TMEM217B: variants seen among roughly 807,000 people sequenced by gnomAD.
The protein encoded by TMEM217B is putative transmembrane protein 217B.
At chr6:37,226,737 T>A in the TMEM217B span, among the ~76,000 whole-genome samples, 1 of 152,150 alleles carries the variant, frequency 6.6e-6, no homozygotes, top group Non-Finnish European at 1.5e-5. Flanking sequence ...AATTTTTTTG[T>A]ATTTTTAGTA....
the TMEM217B span, among the ~76,000 whole-genome samples, chr6:37,242,120 A>C: frequency 6.6e-6 from 1 of 151,866 alleles, no homozygotes; most frequent in East Asian, 1.9e-4. Context: ...AGACTTCAAG[A>C]CAGTGTGGTC....
the TMEM217B span, among the ~76,000 whole-genome samples, chr6:37,252,395 C>G: frequency 6.6e-6 from 1 of 151,748 alleles, no homozygotes; most frequent in Non-Finnish European, 1.5e-5. Context: ...GCTGGCAAAG[C>G]CTAAAAATAT....
the TMEM217B span, among the ~76,000 whole-genome samples, chr6:37,213,485 C>G: frequency 6.6e-6 from 1 of 152,252 alleles, no homozygotes; most frequent in Non-Finnish European, 1.5e-5. Context: ...CTGATTTGCT[C>G]CCTGGGCATG....
At chr6:37,236,113 CT>C in the TMEM217B span, among the ~76,000 whole-genome samples, 1 of 152,040 alleles carries the variant, frequency 6.6e-6, no homozygotes, top group African/African-American at 2.4e-5. Context: ...CGTGTTTGAA[CT>C]GAAAAAAGTG....
the TMEM217B span, among the ~76,000 whole-genome samples, chr6:37,215,446 G>A: frequency 4.0e-5 from 6 of 151,700 alleles, no homozygotes; most frequent in East Asian, 1.9e-4. Context: ...ATGGTGGCAC[G>A]CGCCAACTAC....
the TMEM217B span, among the ~76,000 whole-genome samples, chr6:37,230,923 A>G: frequency 5.0e-3 from 754 of 152,274 alleles, 8 homozygotes; most frequent in African/African-American, 0.017. Flanking sequence ...AAACTAAATA[A>G]CAACACAAAG....
the TMEM217B span, among the ~76,000 whole-genome samples, chr6:37,236,467 A>C: frequency 6.6e-6 from 1 of 152,068 alleles, no homozygotes; most frequent in Non-Finnish European, 1.5e-5. Context: ...TAAGCTAATT[A>C]GTTGTGTTCT....
At chr6:37,237,970 C>T in the TMEM217B span, among the ~76,000 whole-genome samples, 1 of 152,142 alleles carries the variant, frequency 6.6e-6, no homozygotes, top group African/African-American at 2.4e-5. Context: ...GGGTACCATA[C>T]AGCCAGATGC....
chr6:37,215,994 G>GGTGTGTGTGTGTGT, the TMEM217B span, among the ~76,000 whole-genome samples: 3 of 149,184 alleles, frequency 2.0e-5, no homozygotes, highest in South Asian at 2.1e-4. Flanking sequence ...GGTTCTTCAG[G>GGTGTGTGTGTGTGT]GTGTGTGTGT....
chr6:37,228,193 T>A, the TMEM217B span, among the ~76,000 whole-genome samples: 3 of 152,088 alleles, frequency 2.0e-5, no homozygotes, highest in Admixed American at 2.0e-4. Flanking sequence ...CCCAGGAATT[T>A]GAGGCCAGCC....
At chr6:37,231,571 G>A in the TMEM217B span, among the ~76,000 whole-genome samples, 1 of 149,444 alleles carries the variant, frequency 6.7e-6, no homozygotes, top group East Asian at 2.0e-4. Context: ...TATTCGGGAG[G>A]CTGAGGCAGG....
chr6:37,212,296 G>A, the TMEM217B span: 1 of 354,124 alleles, frequency 2.8e-6, no homozygotes, highest in South Asian at 2.1e-5. Context: ...ATTCCTCAGT[G>A]CGTAAAACTC....
chr6:37,242,657 G>C, the TMEM217B span, among the ~76,000 whole-genome samples: 6 of 152,178 alleles, frequency 3.9e-5, no homozygotes, highest in African/African-American at 1.4e-4. Context: ...CAACTTTCCA[G>C]GGGTATTGCT....
chr6:37,219,029 A>G, the TMEM217B span: 1 of 1,612,024 alleles, frequency 6.2e-7, no homozygotes, highest in Non-Finnish European at 8.5e-7. Flanking sequence ...CTGCTGTTTC[A>G]TGCTGAGACC....
the TMEM217B span, chr6:37,257,859 G>T: frequency 6.3e-7 from 1 of 1,580,326 alleles, no homozygotes. Context: ...GCGGGGTCTG[G>T]GGGCATCTCG....
At chr6:37,232,530 A>G in the TMEM217B span, among the ~76,000 whole-genome samples, 5 of 151,984 alleles carry the variant, frequency 3.3e-5, no homozygotes, top group Non-Finnish European at 7.4e-5. Flanking sequence ...TTTATACCCT[A>G]TTAATGGTCA....
the TMEM217B span, among the ~76,000 whole-genome samples, chr6:37,240,091 A>G: frequency 6.6e-6 from 1 of 152,180 alleles, no homozygotes; most frequent in African/African-American, 2.4e-5. Context: ...GACTTTTTAA[A>G]GCCTTTAAGT....
chr6:37,233,207 T>G, the TMEM217B span, among the ~76,000 whole-genome samples: 2 of 151,590 alleles, frequency 1.3e-5, no homozygotes. Flanking sequence ...ATTAACACTC[T>G]TCTACCCATT....
At chr6:37,230,984 T>C in the TMEM217B span, among the ~76,000 whole-genome samples, 1 of 152,160 alleles carries the variant, frequency 6.6e-6, no homozygotes, top group South Asian at 2.1e-4. Context: ...AGTTAGGCTA[T>C]GGGATTAAAC....
Sources: gnomAD v4.1 joint callset for allele counts (sites outside exome capture counted in the v4.1 genomes callset) on GRCh38, gnomAD v4.1.1 for gene constraint, MANE v1.5 for transcripts, NCBI Gene and HGNC (gene_info 2026-07-23, HGNC 2026-07-21) for gene names.